Variants in RIPOR2 observed in about 807,000 individuals in gnomAD.
The protein encoded by RIPOR2 is rho family-interacting cell polarization regulator 2.
Under a neutral mutation model 114.5 loss-of-function variants are expected in RIPOR2, and 39 were observed. The observed-to-expected ratio is 0.34, with a 90% confidence interval of 0.26 to 0.44. The LOEUF (loss-of-function observed/expected upper bound fraction) is 0.44, where lower values mean the gene tolerates loss of function less well. Ranked by LOEUF, RIPOR2 falls within the 20% of genes least tolerant of loss-of-function variation. RIPOR2 has a pLI of 1.00. For missense variants in RIPOR2, 1,007 were observed against 1,255.1 expected (o/e 0.80, Z 2.99); for synonymous variants, 445 against 484.4 (o/e 0.92, Z 1.07).
At chr6:24,947,300 T>G (rs561408949) in intron 1 of RIPOR2, among the ~76,000 whole-genome samples, 1 of 152,278 alleles carries the variant, frequency 6.6e-6, no homozygotes, top group African/African-American at 2.4e-5. Context: ...GCACTCTAAC[T>G]CTGCTCTGTC....
At chr6:24,964,150 T>TGTGTGA (rs985484176) in intron 1 of RIPOR2, among the ~76,000 whole-genome samples, 9 of 69,530 alleles carry the variant, frequency 1.3e-4, no homozygotes, top group East Asian at 1.0e-3. Context: ...ATTGGCTCTG[T>TGTGTGA]GTGTGTGTGT....
chr6:24,920,353 T>G (rs1770388523), intron 1 of RIPOR2, among the ~76,000 whole-genome samples: 1 of 152,248 alleles, frequency 6.6e-6, no homozygotes, highest in South Asian at 2.1e-4. Context: ...CATGTGAAGA[T>G]AAAGCATTCC....
At chr6:24,962,646 T>C (rs1010760937) in intron 1 of RIPOR2, among the ~76,000 whole-genome samples, 9 of 152,204 alleles carry the variant, frequency 5.9e-5, no homozygotes, top group African/African-American at 2.2e-4. Flanking sequence ...GGTTTTTTTT[T>C]AGTATGGTAA....
At chr6:24,962,789 G>A (rs1317213087) in intron 1 of RIPOR2, among the ~76,000 whole-genome samples, 1 of 152,162 alleles carries the variant, frequency 6.6e-6, no homozygotes, top group African/African-American at 2.4e-5. Context: ...AAATCTCTTT[G>A]AAGAATGGCA....
intron 1 of RIPOR2, among the ~76,000 whole-genome samples, chr6:25,025,699 A>T (rs988932726): frequency 2.0e-5 from 3 of 152,266 alleles, no homozygotes; most frequent in Non-Finnish European, 2.9e-5. Context: ...AAGGTTTAAA[A>T]GAAAAACTTC....
intron 1 of RIPOR2, among the ~76,000 whole-genome samples, chr6:24,968,383 C>G (rs1046414458): frequency 6.6e-6 from 1 of 152,142 alleles, no homozygotes; most frequent in African/African-American, 2.4e-5. Flanking sequence ...GGGGTATTTT[C>G]TACATTCACT....
At chr6:25,041,816 G>A (rs1277427856) in intron 1 of RIPOR2, 1 of 695,218 alleles carries the variant, frequency 1.4e-6, no homozygotes, top group Non-Finnish European at 2.6e-6. Flanking sequence ...GGAAAACAAA[G>A]GCAGAGAGTA....
At chr6:24,922,524 C>T (rs1387314851) in intron 1 of RIPOR2, among the ~76,000 whole-genome samples, 1 of 146,654 alleles carries the variant, frequency 6.8e-6, no homozygotes, top group Non-Finnish European at 1.5e-5. Context: ...TGGTACTTTC[C>T]TGTTTTTTTT....
chr6:24,869,266 T>C, intron 5 of RIPOR2, 119 bp from the exon 6 acceptor site: 1 of 552,824 alleles, frequency 1.8e-6, no homozygotes, highest in South Asian at 2.7e-5. Flanking sequence ...ATATTTCCCC[T>C]TTCCTTCTAT....
In RIPOR2 at chr6:24,860,982, T is replaced by G. The variant is rs1158762146; in HGVS notation, c.706A>C (p.Lys236Gln). The G allele has an allele frequency of 1.2e-6, 2 of 1,602,500 alleles. No homozygotes were observed. Among genetic ancestry groups the G allele is most frequent in the Admixed American group, 3.4e-5 (2 of 59,494 alleles). Reference protein sequence around the residue: ...LENLLGEFSIKMKGLAGFARL... With the variant: ...LENLLGEFSIQMKGLAGFARL... ...ACAAGGAAAATAATACCTTTCATCT[T>G]GATGGAGAATTCTCCCAGCAGATTC... The change falls in exon 8 of 22, where the codon AAG becomes CAG. Residue 236 changes from lysine (K) to glutamine (Q), a missense_variant. Transcript: ENST00000643898.
intron 1 of RIPOR2, among the ~76,000 whole-genome samples, chr6:24,879,990 T>TG (rs1392050854): frequency 6.6e-6 from 1 of 152,236 alleles, no homozygotes; most frequent in East Asian, 1.9e-4. Context: ...ACCAAAAGCC[T>TG]TAACCTAAAG....
chr6:25,035,515 A>G (rs1777199494), intron 1 of RIPOR2, among the ~76,000 whole-genome samples: 1 of 152,214 alleles, frequency 6.6e-6, no homozygotes, highest in Admixed American at 6.5e-5. Context: ...AGCAGGTTGG[A>G]AACGGCAGCA....
Position 24,976,386 on chromosome 6 carries a change from G to A in RIPOR2, c.76+65465C>T, listed in dbSNP as rs1024702637. ...AGAAACGAGAAAAGGCTTTGCAGAC[G>A]CCGCCGCCGAGGAAAACCGTGTGCT... On this transcript the variant is annotated intron_variant, in intron 1 of 13. Transcript: ENST00000510784. 39 of 1,343,222 alleles carry A rather than the reference G, an allele frequency of 2.9e-5. 1 individual carries two copies. In the East Asian group the frequency reaches 5.5e-4, roughly 19 times the overall value. The allele number at this position is 1,343,222 out of a possible 1,614,324, so 83.2% of individuals were successfully genotyped here. A position where few individuals can be genotyped will look rare whatever the true frequency, so the allele number is the denominator to read the frequency against.
intron 1 of RIPOR2, among the ~76,000 whole-genome samples, chr6:24,918,147 G>A (rs571961089): frequency 2.6e-5 from 4 of 152,194 alleles, no homozygotes; most frequent in Admixed American, 6.5e-5. Context: ...GTGGGAATAT[G>A]CATTCCCTGG....
intron 17 of RIPOR2, among the ~76,000 whole-genome samples, chr6:24,828,919 T>C (rs1331959892): frequency 1.3e-5 from 2 of 152,192 alleles, no homozygotes; most frequent in East Asian, 1.9e-4. Context: ...AATGGAATTA[T>C]ATAGTATGTA....
chr6:24,985,381 T>C (rs78088098), intron 1 of RIPOR2, among the ~76,000 whole-genome samples: 2 of 143,174 alleles, frequency 1.4e-5, no homozygotes, highest in Admixed American at 1.4e-4. Context: ...TTTTTTTTTT[T>C]TAACCAGTAA....
intron 1 of RIPOR2, among the ~76,000 whole-genome samples, chr6:25,039,855 T>C (rs1777392729): frequency 6.6e-6 from 1 of 152,234 alleles, no homozygotes; most frequent in South Asian, 2.1e-4. Context: ...CAGAGAAAAC[T>C]GATGGCTTCT....
At chr6:24,840,657 A>C (rs1193338617) in intron 13 of RIPOR2, 1 of 1,533,452 alleles carries the variant, frequency 6.5e-7, no homozygotes. Context: ...AAGATGGCAC[A>C]AAAGCACATG....
At chr6:24,951,293 T>C (rs1052645042) in intron 1 of RIPOR2, among the ~76,000 whole-genome samples, 1 of 152,174 alleles carries the variant, frequency 6.6e-6, no homozygotes. Flanking sequence ...GGAGAACTTG[T>C]GTTGTCTTCT....
Sources: allele counts gnomAD v4.1 joint callset (sites outside exome capture counted in the v4.1 genomes callset), GRCh38; gene constraint gnomAD v4.1.1; transcripts MANE v1.5; gene names NCBI Gene and HGNC (gene_info 2026-07-23, HGNC 2026-07-21).